VPS13A: variants seen among roughly 807,000 people sequenced by gnomAD.
VPS13A encodes vacuolar protein sorting 13 homolog A.
A neutral mutation model predicts 390.9 loss-of-function variants in VPS13A; 264 were observed. The ratio of observed to expected loss-of-function variants is 0.68; its 90% CI spans 0.61 to 0.75. The LOEUF (loss-of-function observed/expected upper bound fraction) is 0.75, where lower values mean the gene tolerates loss of function less well. Ranked by LOEUF, VPS13A falls within the 30% of genes least tolerant of loss-of-function variation. VPS13A has a pLI of 0.00. For missense variants in VPS13A, 3,409 were observed against 3,733.9 expected, an observed-to-expected ratio of 0.91 and a Z score of 2.27; for synonymous variants, 1,231 against 1,227.1, an observed-to-expected ratio of 1.00 and a Z score of -0.07.
chr9:77,237,082 G>A (rs150714167), intron 17 of VPS13A, among the ~76,000 whole-genome samples: 2,146 of 152,128 alleles, frequency 0.014, 55 homozygotes, highest in African/African-American at 0.048. Flanking sequence ...TAAAGACAGA[G>A]TTTCACCATG....
At position 77,417,590 on chromosome 9, in the gene VPS13A, A is replaced by G. The variant is rs1213813463; in HGVS notation, c.*1584A>G. The G allele has an allele frequency of 1.3e-5, 2 of 152,020 alleles. No individual in the cohort carries two copies. Among genetic ancestry groups the G allele is most frequent in the Non-Finnish European group, 2.9e-5 (2 of 68,020 alleles). 9.4% of individuals were successfully genotyped at this position (152,020 alleles called of 1,614,324 possible). On this transcript the variant is annotated 3_prime_UTR_variant, in exon 72 of 72. Transcript: ENST00000360280. ...ATTTTCTCTGTCGCTAAGCTCCTCCAGTTTTGCTTTTGTCAGAATTAAACT... is the reference window on the plus strand; with the variant it reads ...ATTTTCTCTGTCGCTAAGCTCCTCCGGTTTTGCTTTTGTCAGAATTAAACT...
Position 77,353,263 on chromosome 9 carries a change from A to C in VPS13A, c.7420-146A>C, listed in dbSNP as rs1190686988. ...ATGTAAATTTGCAAGTATTCTACAAATATTAATTCATTTAGTTGCCACTAA... is the reference window on the plus strand; with the variant it reads ...ATGTAAATTTGCAAGTATTCTACAACTATTAATTCATTTAGTTGCCACTAA... On this transcript the variant is annotated intron_variant, in intron 53 of 71. Coordinates refer to ENST00000360280, the MANE Select transcript of VPS13A (RefSeq NM_033305.3). 1.0e-4 allele frequency: 66 copies of C among 632,730 alleles called. No homozygotes were observed. The East Asian group carries it at 1.8e-3, about 17-fold the overall frequency. 39.2% of individuals were successfully genotyped at this position (632,730 alleles called of 1,614,324 possible). A position where few individuals can be genotyped will look rare whatever the true frequency, so the allele number is the denominator to read the frequency against.
In VPS13A at chr9:77,352,570, A is replaced by G. The variant is rs1046111225; in HGVS notation, c.7420-839A>G. Among the ~76,000 whole-genome samples, 15 of 152,188 alleles carry G rather than the reference A, an allele frequency of 9.9e-5. 1 individual carries two copies. The highest frequency in any genetic ancestry group is 1.8e-4 in the Non-Finnish European group (12 of 68,004). On this transcript the variant is annotated intron_variant, in intron 53 of 71. Transcript: ENST00000360280. ...TGATCTGTTGATTAGTACTTTGCAT[A>G]TTTATATCATAGTGATAGTTTGAAG...
At position 77,319,554 on chromosome 9, in the gene VPS13A, A is replaced by T; in HGVS notation, c.5314-18A>T. On this transcript the variant is annotated intron_variant, in intron 41 of 71. Transcript: ENST00000360280. ...CAGGATGGAAGATCATTTTTAATTT[A>T]AAAAATTCTCTCTGTAGGTGCATTA... 2.0e-6 allele frequency: 3 copies of T among 1,487,654 alleles called. No individual in the cohort carries two copies. Among genetic ancestry groups the T allele is most frequent in the Non-Finnish European group, 2.8e-6 (3 of 1,066,576 alleles). 92.2% of individuals were successfully genotyped at this position (1,487,654 alleles called of 1,614,324 possible).
chr9:77,280,860 A>T (rs896829533), intron 27 of VPS13A, among the ~76,000 whole-genome samples: 1 of 152,332 alleles, frequency 6.6e-6, no homozygotes, highest in Admixed American at 6.5e-5. Context: ...TATGCATTAT[A>T]TAGCTTTTAT....
At chr9:77,234,028 T>G (rs990590851) in intron 17 of VPS13A, among the ~76,000 whole-genome samples, 1 of 152,190 alleles carries the variant, frequency 6.6e-6, no homozygotes, top group African/African-American at 2.4e-5. Flanking sequence ...TCCCTTTAAT[T>G]CTGTCAAGGT....
chr9:77,297,865 A>G (rs1267333718), intron 33 of VPS13A, among the ~76,000 whole-genome samples: 1 of 152,172 alleles, frequency 6.6e-6, no homozygotes, highest in Non-Finnish European at 1.5e-5. Context: ...TCAAAAGGAG[A>G]CAAAACTAGA....
chr9:77,405,255 C>T (rs1407827470), intron 69 of VPS13A, among the ~76,000 whole-genome samples: 1 of 152,098 alleles, frequency 6.6e-6, no homozygotes, highest in African/African-American at 2.4e-5. Flanking sequence ...TCCTGAGGCC[C>T]TCAGCATGAT....
intron 15 of VPS13A, 152 bp downstream of exon 15, chr9:77,226,750 A>T (rs1823541031): frequency 1.5e-6 from 1 of 673,796 alleles, no homozygotes; most frequent in African/African-American, 1.9e-5. Flanking sequence ...AACATTGAAA[A>T]TGTGTATTAG....
chr9:77,254,222 C>T (rs1211267441), intron 22 of VPS13A, among the ~76,000 whole-genome samples: 1 of 152,096 alleles, frequency 6.6e-6, no homozygotes, highest in Non-Finnish European at 1.5e-5. Flanking sequence ...GGATTACAGG[C>T]GTGAGCCACT....
At chr9:77,399,951 CTA>C (rs1834298744) in intron 68 of VPS13A, among the ~76,000 whole-genome samples, 1 of 152,124 alleles carries the variant, frequency 6.6e-6, no homozygotes, top group African/African-American at 2.4e-5. Flanking sequence ...ATACATCTCT[CTA>C]TGTCAGTATG....
chr9:77,207,820 G>A (rs940521395), intron 5 of VPS13A, among the ~76,000 whole-genome samples: 3 of 152,006 alleles, frequency 2.0e-5, no homozygotes, highest in South Asian at 4.2e-4. Flanking sequence ...GTTTGGTGGG[G>A]TTTCCAGTTC....
At chr9:77,372,841 A>G (rs1355338376) in intron 67 of VPS13A, among the ~76,000 whole-genome samples, 1 of 152,126 alleles carries the variant, frequency 6.6e-6, no homozygotes, top group Non-Finnish European at 1.5e-5. Context: ...TACACCAACA[A>G]CAGACAAACA....
At chr9:77,248,498 G>A (rs1554872092) in intron 20 of VPS13A, among the ~76,000 whole-genome samples, 1 of 152,000 alleles carries the variant, frequency 6.6e-6, no homozygotes, top group South Asian at 2.1e-4. Context: ...GATTACAGGC[G>A]TGAGCCACCA....
At chr9:77,179,525 G>A (rs1287979408) in intron 1 of VPS13A, among the ~76,000 whole-genome samples, 2 of 152,100 alleles carry the variant, frequency 1.3e-5, no homozygotes, top group Non-Finnish European at 2.9e-5. Context: ...CACTGCGCCC[G>A]CCTGACTGTA....
chr9:77,193,613 G>A (rs1008075719), intron 1 of VPS13A, among the ~76,000 whole-genome samples: 1 of 152,130 alleles, frequency 6.6e-6, no homozygotes, highest in Non-Finnish European at 1.5e-5. Context: ...CAGCCTGGGC[G>A]ACAGGGCAAA....
At chr9:77,358,689 A>G (rs530178225) in intron 57 of VPS13A, among the ~76,000 whole-genome samples, 96 of 152,354 alleles carry the variant, frequency 6.3e-4, no homozygotes, top group African/African-American at 2.3e-3. Flanking sequence ...TAAAAAGCAG[A>G]TAATCTGTAA....
At position 77,221,313 on chromosome 9, in the gene VPS13A, TAAC is replaced by T. The variant is rs1437277001; in HGVS notation, c.1121_1123del (p.Thr374del). ...TATAAAGAACTGTATAAAAAAAAGT[TAAC>T]AAGTAAGAAGCCACCTGGTGAACTT... On this transcript the variant is annotated inframe_deletion, in exon 13 of 72. Transcript: ENST00000360280. 2.5e-6 allele frequency: 4 copies of T among 1,613,248 alleles called. No individual in the cohort carries two copies. In the South Asian group the frequency reaches 4.4e-5, roughly 18 times the overall value.
intron 43 of VPS13A, 65 bp from the exon 44 acceptor site, chr9:77,321,426 T>C: frequency 6.3e-7 from 1 of 1,596,854 alleles, no homozygotes; most frequent in Non-Finnish European, 8.6e-7. Context: ...ATTTGTCCTT[T>C]ACTGTTCTCC....
Sources: gnomAD v4.1 joint callset for allele counts (sites outside exome capture counted in the v4.1 genomes callset) on GRCh38, gnomAD v4.1.1 for gene constraint, MANE v1.5 for transcripts, NCBI Gene and HGNC (gene_info 2026-07-23, HGNC 2026-07-21) for gene names.